Variants in SNX29 observed in about 807,000 individuals in gnomAD.
SNX29 encodes sorting nexin-29.
SNX29 carries 78 observed loss-of-function variants against 102.1 expected under a neutral mutation model. The observed-to-expected ratio is 0.76, with a 90% confidence interval of 0.64 to 0.92. SNX29 has a LOEUF of 0.92. Among genes scored for constraint, SNX29 ranks in the 40% least tolerant of loss-of-function variants. The probability of loss-of-function intolerance (pLI) is 0.00; values close to 1 mark genes in which losing one functional copy is unlikely to be tolerated. For synonymous variants in SNX29, 580 were observed against 414.5 expected (o/e 1.40, Z -4.85); for missense variants, 1,280 against 1,061.7 (o/e 1.21, Z -2.86).
At chr16:12,289,242 C>T (rs2079710750) in intron 15 of SNX29, among the ~76,000 whole-genome samples, 2 of 152,174 alleles carry the variant, frequency 1.3e-5, no homozygotes, top group Non-Finnish European at 2.9e-5. Flanking sequence ...CTGGGGTTAT[C>T]CGCCCATGCA....
intron 15 of SNX29, among the ~76,000 whole-genome samples, chr16:12,323,102 G>A (rs968926810): frequency 2.7e-4 from 40 of 148,966 alleles, no homozygotes; most frequent in African/African-American, 9.2e-4. Context: ...TGGAGTCACC[G>A]GGGACCACTG....
chr16:12,543,549 G>T (rs1025130973), intron 20 of SNX29, among the ~76,000 whole-genome samples: 1 of 152,114 alleles, frequency 6.6e-6, no homozygotes, highest in Non-Finnish European at 1.5e-5. Flanking sequence ...AGACTTCCAC[G>T]CCCACTGAGC....
chr16:12,560,734 C>T (rs888349092), intron 20 of SNX29: 5 of 168,482 alleles, frequency 3.0e-5, no homozygotes, highest in East Asian at 1.1e-4. Flanking sequence ...AACATCAAAA[C>T]CAACCTCTGC....
Position 12,555,268 on chromosome 16 carries a change from A to G in SNX29, c.2319-13238A>G, listed in dbSNP as rs190632583. Among the ~76,000 whole-genome samples the G allele has an allele frequency of 3.0e-3, 460 of 151,262 alleles. 6 individuals are homozygous for G. The highest frequency in any genetic ancestry group is 0.011 in the African/African-American group (438 of 41,268). On this transcript the variant is annotated intron_variant, in intron 20 of 20. Transcript: ENST00000566228. ...AGATGAGGGTGCTCAAACCCAGGGT[A>G]TGACCTCCCAGAGAGCAGGGGTGCT...
At chr16:12,404,480 C>T (rs1417632889) in intron 18 of SNX29, among the ~76,000 whole-genome samples, 1 of 152,148 alleles carries the variant, frequency 6.6e-6, no homozygotes, top group East Asian at 1.9e-4. Flanking sequence ...CTGCTTTGTT[C>T]TCAGTGCTGA....
intron 13 of SNX29, among the ~76,000 whole-genome samples, chr16:12,143,117 C>T (rs575616394): frequency 6.6e-6 from 1 of 152,162 alleles, no homozygotes; most frequent in South Asian, 2.1e-4. Flanking sequence ...CCTGCCTCAG[C>T]CTCCTGAGTA....
chr16:12,452,979 T>C (rs1440279020), intron 18 of SNX29, among the ~76,000 whole-genome samples: 2 of 152,304 alleles, frequency 1.3e-5, no homozygotes, highest in Non-Finnish European at 2.9e-5. Context: ...GGCTAGTTGC[T>C]AGGCACCCAC....
At chr16:12,396,915 T>C (rs746427427) in intron 16 of SNX29, among the ~76,000 whole-genome samples, 4 of 152,256 alleles carry the variant, frequency 2.6e-5, no homozygotes, top group Non-Finnish European at 4.4e-5. Flanking sequence ...TTAACTTTCT[T>C]TATTTTTTTG....
intron 8 of SNX29, among the ~76,000 whole-genome samples, chr16:12,057,010 C>G (rs567376296): frequency 9.9e-5 from 15 of 152,116 alleles, no homozygotes; most frequent in African/African-American, 3.4e-4. Context: ...AATGGGGTCT[C>G]AAGGCATTGC....
At chr16:12,392,600 G>C (rs964689466) in intron 16 of SNX29, among the ~76,000 whole-genome samples, 1 of 152,194 alleles carries the variant, frequency 6.6e-6, no homozygotes, top group Non-Finnish European at 1.5e-5. Context: ...AAACAAATGT[G>C]TCAAAAACTG....
chr16:12,039,263 C>A (rs538273510), intron 4 of SNX29, among the ~76,000 whole-genome samples: 1 of 152,310 alleles, frequency 6.6e-6, no homozygotes, highest in South Asian at 2.1e-4. Context: ...GCTTTCCTTC[C>A]CTTTCTAGTT....
chr16:12,366,680 T>G (rs1432387707), intron 16 of SNX29, among the ~76,000 whole-genome samples: 1 of 152,198 alleles, frequency 6.6e-6, no homozygotes, highest in African/African-American at 2.4e-5. Flanking sequence ...TCTCTTATAT[T>G]CTGCATTTTC....
intron 19 of SNX29, among the ~76,000 whole-genome samples, chr16:12,512,470 G>C (rs1020475964): frequency 6.3e-5 from 9 of 142,416 alleles, no homozygotes; most frequent in Non-Finnish European, 1.2e-4. Context: ...CTGGAGTGCA[G>C]TGGTGCGATC....
intron 15 of SNX29, among the ~76,000 whole-genome samples, chr16:12,341,656 C>G (rs2081613519): frequency 6.6e-6 from 1 of 152,240 alleles, no homozygotes; most frequent in African/African-American, 2.4e-5. Context: ...CACACCATGG[C>G]TTTCTCACTT....
At chr16:12,540,907 C>G (rs1794308) in intron 20 of SNX29, among the ~76,000 whole-genome samples, 19,077 of 152,246 alleles carry the variant, frequency 0.13, 1,414 homozygotes, top group Non-Finnish European at 0.16. Flanking sequence ...GCTTCTCTGA[C>G]AGCCCTGTCT....
intron 15 of SNX29, among the ~76,000 whole-genome samples, chr16:12,317,853 G>A (rs571479546): frequency 3.3e-5 from 5 of 152,338 alleles, no homozygotes; most frequent in South Asian, 2.1e-4. Context: ...GTGCCGGGGT[G>A]GGGGGTCGAA....
At chr16:12,330,883 A>G (rs1416822709) in intron 15 of SNX29, among the ~76,000 whole-genome samples, 1 of 152,206 alleles carries the variant, frequency 6.6e-6, no homozygotes, top group Non-Finnish European at 1.5e-5. Flanking sequence ...CTTGCCTGCA[A>G]AGGCTCCTGG....
intron 14 of SNX29, among the ~76,000 whole-genome samples, chr16:12,219,066 G>C (rs889595934): frequency 6.6e-6 from 1 of 152,214 alleles, no homozygotes; most frequent in Admixed American, 6.5e-5. Context: ...GAGCCACCGC[G>C]CCTGGCCCTG....
chr16:12,212,247 G>A (rs770229270), intron 14 of SNX29, among the ~76,000 whole-genome samples: 1 of 152,184 alleles, frequency 6.6e-6, no homozygotes, highest in Non-Finnish European at 1.5e-5. Context: ...AAAACTGATT[G>A]TGTGCCATGA....
Sources: allele counts gnomAD v4.1 joint callset (sites outside exome capture counted in the v4.1 genomes callset), GRCh38; gene constraint gnomAD v4.1.1; transcripts MANE v1.5; gene names NCBI Gene and HGNC (gene_info 2026-07-23, HGNC 2026-07-21).